The following BLTP3A variants were observed in gnomAD, a reference collection of about 807,000 sequenced individuals.
BLTP3A encodes ICBP90 binding protein 1.
At chr6:34,861,260 G>T in the BLTP3A span, among the ~76,000 whole-genome samples, 1 of 151,900 alleles carries the variant, frequency 6.6e-6, no homozygotes, top group Non-Finnish European at 1.5e-5. Context: ...TGAGTAGCTG[G>T]GACCACAGGC....
the BLTP3A span, among the ~76,000 whole-genome samples, chr6:34,805,559 C>T: frequency 1.9e-4 from 29 of 149,320 alleles, no homozygotes; most frequent in African/African-American, 6.7e-4. Context: ...TGCCATTGCA[C>T]CCCAGGCTGG....
the BLTP3A span, chr6:34,857,623 A>C: frequency 7.8e-5 from 114 of 1,453,586 alleles, no homozygotes; most frequent in Admixed American, 3.2e-4. Context: ...CCCTGTATAA[A>C]TGTGTACCTT....
the BLTP3A span, among the ~76,000 whole-genome samples, chr6:34,863,540 T>C: frequency 6.6e-6 from 1 of 152,210 alleles, no homozygotes; most frequent in African/African-American, 2.4e-5. Context: ...CTTGTCCTTT[T>C]TCCTCTTTGA....
chr6:34,811,288 A>G, the BLTP3A span, among the ~76,000 whole-genome samples: 32,715 of 152,110 alleles, frequency 0.22, 4,233 homozygotes, highest in African/African-American at 0.36. Flanking sequence ...TTGAAAATCT[A>G]TATGGAAATG....
the BLTP3A span, among the ~76,000 whole-genome samples, chr6:34,813,403 C>T: frequency 1.3e-5 from 2 of 152,204 alleles, no homozygotes; most frequent in African/African-American, 4.8e-5. Context: ...AGAATTTTCA[C>T]TTCCAAACAT....
At chr6:34,812,851 A>G in the BLTP3A span, among the ~76,000 whole-genome samples, 2 of 152,182 alleles carry the variant, frequency 1.3e-5, no homozygotes, top group Non-Finnish European at 2.9e-5. Flanking sequence ...CATTAGCTAT[A>G]TTAGTGATTG....
chr6:34,846,118 C>T, the BLTP3A span, among the ~76,000 whole-genome samples: 3 of 115,534 alleles, frequency 2.6e-5, no homozygotes, highest in Non-Finnish European at 5.2e-5. Flanking sequence ...CCCTCCCTTT[C>T]CCTTCCCTTC....
chr6:34,813,874 T>C, the BLTP3A span, among the ~76,000 whole-genome samples: 1 of 152,162 alleles, frequency 6.6e-6, no homozygotes, highest in African/African-American at 2.4e-5. Context: ...CTATTTTCCC[T>C]CTCCAGGTGA....
At chr6:34,835,574 C>G in the BLTP3A span, 1 of 1,251,960 alleles carries the variant, frequency 8.0e-7, no homozygotes, top group Non-Finnish European at 1.1e-6. Flanking sequence ...TTGTCATTTA[C>G]TTCTGGGTAT....
chr6:34,864,262 A>C, the BLTP3A span: 2 of 1,466,460 alleles, frequency 1.4e-6, no homozygotes, highest in Non-Finnish European at 1.9e-6. Flanking sequence ...TGCTGCCTGT[A>C]TCAGACTGGC....
the BLTP3A span, among the ~76,000 whole-genome samples, chr6:34,832,484 TGA>T: frequency 6.6e-6 from 1 of 151,336 alleles, no homozygotes. Context: ...CACCCTGGCT[TGA>T]GTGCAGTGGC....
chr6:34,853,403 C>T, the BLTP3A span, among the ~76,000 whole-genome samples: 2 of 151,860 alleles, frequency 1.3e-5, no homozygotes, highest in African/African-American at 2.4e-5. Flanking sequence ...TGCCCTGTTG[C>T]CCAGGCCCAC....
At chr6:34,817,643 C>T in the BLTP3A span, among the ~76,000 whole-genome samples, 2 of 152,048 alleles carry the variant, frequency 1.3e-5, no homozygotes, top group East Asian at 3.9e-4. Context: ...CAGATGGATG[C>T]CTGCATATGT....
At chr6:34,845,412 TATC>T in the BLTP3A span, among the ~76,000 whole-genome samples, 2 of 152,084 alleles carry the variant, frequency 1.3e-5, no homozygotes, top group African/African-American at 2.4e-5. Context: ...CTGCGAAGAA[TATC>T]ATTGGTATCT....
chr6:34,862,541 T>C, the BLTP3A span, among the ~76,000 whole-genome samples: 1 of 149,488 alleles, frequency 6.7e-6, no homozygotes, highest in Non-Finnish European at 1.5e-5. Flanking sequence ...GCAGGGTTTG[T>C]TAAAACATAG....
the BLTP3A span, chr6:34,875,640 C>G: frequency 2.0e-5 from 3 of 152,112 alleles, no homozygotes; most frequent in African/African-American, 7.2e-5. Context: ...TTGTCCATGT[C>G]ACAAATGGAG....
chr6:34,845,619 T>G, the BLTP3A span, among the ~76,000 whole-genome samples: 1 of 151,466 alleles, frequency 6.6e-6, no homozygotes, highest in Non-Finnish European at 1.5e-5. Flanking sequence ...TTTTTTGAGA[T>G]GGAGTCTTGC....
At chr6:34,813,036 A>C in the BLTP3A span, among the ~76,000 whole-genome samples, 1 of 152,218 alleles carries the variant, frequency 6.6e-6, no homozygotes, top group Non-Finnish European at 1.5e-5. Flanking sequence ...TCACCTCCTC[A>C]ATGGAAAAAA....
the BLTP3A span, among the ~76,000 whole-genome samples, chr6:34,845,433 T>C: frequency 1.1e-4 from 17 of 152,108 alleles, no homozygotes; most frequent in African/African-American, 4.1e-4. Context: ...TCTATTTTTG[T>C]TTTGAGACAG....
Sources: gnomAD v4.1 joint callset for allele counts (sites outside exome capture counted in the v4.1 genomes callset) on GRCh38, gnomAD v4.1.1 for gene constraint, MANE v1.5 for transcripts, NCBI Gene and HGNC (gene_info 2026-07-23, HGNC 2026-07-21) for gene names.